DPYD: variants seen among roughly 807,000 people sequenced by gnomAD.
DPYD encodes dihydropyrimidine dehydrogenase [NADP(+)].
A neutral mutation model predicts 116.2 loss-of-function variants in DPYD; 109 were observed. The observed-to-expected ratio is 0.94, with a 90% CI of 0.80 to 1.10. The LOEUF (loss-of-function observed/expected upper bound fraction) is 1.10. Among genes scored for constraint, DPYD ranks in the 50% least tolerant of loss-of-function variants. The pLI is 0.00. For missense variants in DPYD, 1,302 were observed against 1,254.5 expected (o/e 1.04, Z -0.57); for synonymous variants, 440 against 432.0 (o/e 1.02, Z -0.23).
intron 3 of DPYD, 69 bp from the exon 4 acceptor site, chr1:97,740,548 T>A (rs1231349222): frequency 7.9e-7 from 1 of 1,272,610 alleles, no homozygotes; most frequent in South Asian, 1.2e-5. Context: ...TACCTTATAC[T>A]CATTCAGAGT....
chr1:97,189,545 G>A (rs1370757145), intron 20 of DPYD, among the ~76,000 whole-genome samples: 1 of 152,146 alleles, frequency 6.6e-6, no homozygotes, highest in African/African-American at 2.4e-5. Context: ...AACGAAGAAT[G>A]TCAACATAAC....
chr1:97,605,154 G>T (rs1655505620), intron 8 of DPYD, among the ~76,000 whole-genome samples: 1 of 152,078 alleles, frequency 6.6e-6, no homozygotes, highest in Non-Finnish European at 1.5e-5. Context: ...AAGAATATCT[G>T]TTTATAAAAG....
chr1:97,284,777 A>C (rs61786317), intron 18 of DPYD, among the ~76,000 whole-genome samples: 38,649 of 152,036 alleles, frequency 0.25, 5,687 homozygotes, highest in Admixed American at 0.39. Context: ...TTTCTGGAGA[A>C]ATTCCTATGG....
chr1:97,705,364 T>C (rs923875505), intron 5 of DPYD, among the ~76,000 whole-genome samples: 21 of 152,176 alleles, frequency 1.4e-4, no homozygotes, highest in East Asian at 1.2e-3. Context: ...TTCCCACCTA[T>C]GAGTGAGAAC....
chr1:97,759,422 C>T (rs1665452712), intron 3 of DPYD, among the ~76,000 whole-genome samples: 1 of 152,082 alleles, frequency 6.6e-6, no homozygotes. Flanking sequence ...TTAGGCAATC[C>T]AACAAATTTA....
intron 16 of DPYD, among the ~76,000 whole-genome samples, chr1:97,372,870 T>C (rs1408305176): frequency 5.3e-5 from 8 of 152,196 alleles, no homozygotes; most frequent in Admixed American, 4.6e-4. Flanking sequence ...ATTCACACCA[T>C]TTCCTTCTGG....
chr1:97,186,406 C>T (rs1490690612), intron 20 of DPYD, among the ~76,000 whole-genome samples: 1 of 152,128 alleles, frequency 6.6e-6, no homozygotes, highest in Admixed American at 6.5e-5. Flanking sequence ...AATTCCTCAT[C>T]CTACACCCTG....
At chr1:97,743,851 T>G (rs887574648) in intron 3 of DPYD, among the ~76,000 whole-genome samples, 2 of 152,212 alleles carry the variant, frequency 1.3e-5, no homozygotes, top group African/African-American at 4.8e-5. Flanking sequence ...AAAGTTACTC[T>G]GTTATAGTGC....
chr1:97,507,162 T>A (rs1647400431), intron 13 of DPYD, among the ~76,000 whole-genome samples: 2 of 152,026 alleles, frequency 1.3e-5, no homozygotes, highest in Non-Finnish European at 2.9e-5. Context: ...TAATTCTTTA[T>A]AATTGGAGGA....
intron 6 of DPYD, among the ~76,000 whole-genome samples, chr1:97,693,800 G>A (rs1008080070): frequency 6.6e-6 from 1 of 152,094 alleles, no homozygotes; most frequent in Non-Finnish European, 1.5e-5. Context: ...CTTCCAATGA[G>A]TCAGGCCTAC....
At chr1:97,861,956 A>G (rs967080837) in intron 2 of DPYD, among the ~76,000 whole-genome samples, 26 of 152,088 alleles carry the variant, frequency 1.7e-4, no homozygotes, top group African/African-American at 6.0e-4. Flanking sequence ...GTATAAATGT[A>G]AATAAAACAA....
chr1:97,400,509 G>A (rs575546510), intron 14 of DPYD, among the ~76,000 whole-genome samples: 19 of 152,166 alleles, frequency 1.2e-4, no homozygotes, highest in Non-Finnish European at 2.5e-4. Flanking sequence ...GATTGGAATA[G>A]TTTCAGAAGG....
chr1:97,593,325 C>T lies in DPYD; in HGVS notation c.1021G>A (p.Gly341Arg), dbSNP rs764111543. Residue 341 changes from glycine (G) to arginine (R), a missense_variant, in exon 10 of 23, where the codon GGA becomes AGA. Transcript: ENST00000370192. Reference sequence around the variant, plus strand: ...GTTGCACAGTCAAAGGCAGTGTCTCCAGCTCCAAGTACAATCACGACTCCC... The same window carrying T: ...GTTGCACAGTCAAAGGCAGTGTCTCTAGCTCCAAGTACAATCACGACTCCC... Reference protein sequence around the residue: ...IRGVVIVLGAGDTAFDCATSA... With the variant: ...IRGVVIVLGARDTAFDCATSA... 2.5e-6 allele frequency: 4 copies of T among 1,614,120 alleles called. No homozygotes were observed. The South Asian group carries it at 3.3e-5, about 13-fold the overall frequency.
chr1:97,754,292 CA>C (rs1665103246), intron 3 of DPYD, among the ~76,000 whole-genome samples: 1 of 151,922 alleles, frequency 6.6e-6, no homozygotes, highest in Admixed American at 6.6e-5. Context: ...ACACAATATT[CA>C]GAAATAATAT....
chr1:97,393,749 CAT>C (rs1269040269), intron 14 of DPYD, among the ~76,000 whole-genome samples: 2 of 152,090 alleles, frequency 1.3e-5, no homozygotes, highest in Non-Finnish European at 2.9e-5. Context: ...CCACAATAAA[CAT>C]ATGTGTGTAT....
chr1:97,570,045 G>A (rs1652786326), intron 11 of DPYD, among the ~76,000 whole-genome samples: 1 of 151,736 alleles, frequency 6.6e-6, no homozygotes, highest in Admixed American at 6.6e-5. Flanking sequence ...AAGCTGTTGA[G>A]GCACTTATCA....
At chr1:97,800,296 T>C (rs1479010767) in intron 3 of DPYD, among the ~76,000 whole-genome samples, 2 of 151,956 alleles carry the variant, frequency 1.3e-5, no homozygotes, top group Admixed American at 6.6e-5. Context: ...AAGTTTTTAC[T>C]GTTCAAATTC....
intron 7 of DPYD, among the ~76,000 whole-genome samples, chr1:97,686,362 C>T (rs1297804452): frequency 3.3e-5 from 5 of 151,920 alleles, no homozygotes; most frequent in Non-Finnish European, 4.4e-5. Context: ...ATAGGCCGGG[C>T]GCGGTGGCTC....
chr1:97,693,885 TG>T (rs1426931253), intron 6 of DPYD, among the ~76,000 whole-genome samples: 3 of 152,016 alleles, frequency 2.0e-5, no homozygotes. Context: ...TGCAAGTCAA[TG>T]GTTCTGACTT....
Sources: allele counts gnomAD v4.1 joint callset (sites outside exome capture counted in the v4.1 genomes callset), GRCh38; gene constraint gnomAD v4.1.1; transcripts MANE v1.5; gene names NCBI Gene and HGNC (gene_info 2026-07-23, HGNC 2026-07-21).